The following EYS variants were observed in gnomAD, a reference collection of about 807,000 sequenced individuals.
EYS encodes protein eyes shut homolog.
EYS carries 250 observed loss-of-function variants against 282.1 expected under a neutral mutation model. That is an observed-to-expected ratio of 0.89 (90% confidence interval 0.80 to 0.98). The LOEUF (loss-of-function observed/expected upper bound fraction) is 0.98. Ranked by LOEUF, EYS falls within the 50% of genes least tolerant of loss-of-function variation. The pLI is 0.00. For synonymous variants in EYS, 1,355 were observed against 1,282.9 expected (o/e 1.06, Z -1.20); for missense variants, 4,016 against 3,709.0 (o/e 1.08, Z -2.15).
intron 26 of EYS, among the ~76,000 whole-genome samples, chr6:64,541,942 AGACCTTT>A (rs1202812673): frequency 5.3e-5 from 8 of 152,222 alleles, no homozygotes; most frequent in Admixed American, 6.5e-5. Context: ...TCAGAAAGAA[AGACCTTT>A]GCATTTAAAA....
chr6:64,603,350 T>G (rs1255635013), intron 24 of EYS, among the ~76,000 whole-genome samples: 1 of 151,974 alleles, frequency 6.6e-6, no homozygotes, highest in Non-Finnish European at 1.5e-5. Flanking sequence ...CACAGAGATT[T>G]TGTTTCCCTG....
chr6:65,001,518 C>T (rs1771467205), intron 13 of EYS, among the ~76,000 whole-genome samples: 1 of 147,656 alleles, frequency 6.8e-6, no homozygotes, highest in Non-Finnish European at 1.5e-5. Context: ...TGAGGTTCAG[C>T]ATTTATCTGG....
chr6:64,109,112 C>G (rs144274379), intron 31 of EYS, among the ~76,000 whole-genome samples: 64 of 152,188 alleles, frequency 4.2e-4, no homozygotes, highest in African/African-American at 1.5e-3. Context: ...ACATTTACAT[C>G]AGCTGCCTTA....
intron 29 of EYS, among the ~76,000 whole-genome samples, chr6:64,318,176 T>C (rs1358221055): frequency 3.9e-5 from 6 of 151,916 alleles, no homozygotes; most frequent in Non-Finnish European, 8.8e-5. Flanking sequence ...TAGATCATAA[T>C]AAAAAAACAC....
chr6:64,384,927 G>A (rs531305581), intron 29 of EYS, among the ~76,000 whole-genome samples: 1 of 152,252 alleles, frequency 6.6e-6, no homozygotes, highest in Non-Finnish European at 1.5e-5. Flanking sequence ...GAGGGGCTCT[G>A]GCCAGTTCAG....
chr6:64,962,663 G>A (rs1047090408), intron 14 of EYS, among the ~76,000 whole-genome samples: 2 of 151,920 alleles, frequency 1.3e-5, no homozygotes, highest in Non-Finnish European at 2.9e-5. Flanking sequence ...CTTGAGGGAC[G>A]CTTGAGCCCA....
intron 26 of EYS, among the ~76,000 whole-genome samples, chr6:64,577,738 A>C (rs1266279672): frequency 1.3e-5 from 2 of 152,076 alleles, no homozygotes; most frequent in East Asian, 3.9e-4. Context: ...TCTGTGCCTC[A>C]GGGTTGTAAT....
intron 14 of EYS, among the ~76,000 whole-genome samples, chr6:64,996,220 G>T (rs1771257818): frequency 6.6e-6 from 1 of 152,098 alleles, no homozygotes; most frequent in Non-Finnish European, 1.5e-5. Flanking sequence ...CCACAGGCCA[G>T]ATTTCTTTTA....
chr6:65,583,546 T>C (rs1246309706), intron 2 of EYS, among the ~76,000 whole-genome samples: 1 of 152,072 alleles, frequency 6.6e-6, no homozygotes, highest in East Asian at 1.9e-4. Context: ...TTGAACTCCA[T>C]CTGGTCACTG....
At chr6:65,313,114 G>T (rs1769205228) in intron 11 of EYS, among the ~76,000 whole-genome samples, 1 of 152,096 alleles carries the variant, frequency 6.6e-6, no homozygotes, top group African/African-American at 2.4e-5. Context: ...AAGTCTAGAT[G>T]GCCCTGGCCT....
chr6:65,175,850 A>AGG (rs1395324486), intron 12 of EYS, among the ~76,000 whole-genome samples: 1 of 151,534 alleles, frequency 6.6e-6, no homozygotes, highest in Non-Finnish European at 1.5e-5. Context: ...GAACTTACTA[A>AGG]TTTACACACA....
At chr6:64,128,624 T>C (rs1321803203) in intron 31 of EYS, among the ~76,000 whole-genome samples, 1 of 152,180 alleles carries the variant, frequency 6.6e-6, no homozygotes, top group African/African-American at 2.4e-5. Context: ...CTAAGTTCTA[T>C]AACAGAACTT....
At chr6:65,064,579 A>G (rs1410936351) in intron 12 of EYS, among the ~76,000 whole-genome samples, 1 of 148,656 alleles carries the variant, frequency 6.7e-6, no homozygotes, top group Admixed American at 6.8e-5. Context: ...TATATATACT[A>G]TAAAAGTTAT....
intron 29 of EYS, among the ~76,000 whole-genome samples, chr6:64,343,011 C>T (rs1369075939): frequency 6.6e-6 from 1 of 152,016 alleles, no homozygotes; most frequent in Non-Finnish European, 1.5e-5. Context: ...ACTAACTATC[C>T]TAAATATATA....
At chr6:63,768,435 C>T (rs1769850134) in intron 40 of EYS, among the ~76,000 whole-genome samples, 1 of 152,006 alleles carries the variant, frequency 6.6e-6, no homozygotes, top group Non-Finnish European at 1.5e-5. Context: ...AGACACTTCT[C>T]AAAAGAAGAC....
intron 1 of EYS, among the ~76,000 whole-genome samples, chr6:65,675,732 C>T (rs542454590): frequency 1.3e-5 from 2 of 151,978 alleles, no homozygotes; most frequent in South Asian, 2.1e-4. Context: ...GCTTGAACAA[C>T]ACTATAGTCT....
intron 35 of EYS, among the ~76,000 whole-genome samples, chr6:63,895,893 A>G (rs1773523562): frequency 1.6e-5 from 2 of 125,804 alleles, no homozygotes; most frequent in Admixed American, 9.4e-5. Flanking sequence ...TTAATCGTTG[A>G]GATCATGATT....
chr6:65,522,280 A>T (rs1375823710), intron 2 of EYS, among the ~76,000 whole-genome samples: 1 of 152,190 alleles, frequency 6.6e-6, no homozygotes, highest in Admixed American at 6.5e-5. Flanking sequence ...TAATAGTATA[A>T]CATAGTTTTT....
chr6:65,013,360 T>C (rs578134086), intron 13 of EYS, among the ~76,000 whole-genome samples: 1 of 152,144 alleles, frequency 6.6e-6, no homozygotes, highest in South Asian at 2.1e-4. Flanking sequence ...TACTAATATG[T>C]AATGAGCCCT....
Sources: allele counts gnomAD v4.1 joint callset (sites outside exome capture counted in the v4.1 genomes callset), GRCh38; gene constraint gnomAD v4.1.1; transcripts MANE v1.5; gene names NCBI Gene and HGNC (gene_info 2026-07-23, HGNC 2026-07-21).